The following MAPK8IP3 variants were observed in gnomAD, a reference collection of about 807,000 sequenced individuals.
MAPK8IP3 encodes C-Jun-amino-terminal kinase-interacting protein 3.
MAPK8IP3 carries 49 observed loss-of-function variants against 157.8 expected under a neutral mutation model. The ratio of observed to expected loss-of-function variants is 0.31; its 90% CI spans 0.25 to 0.39. The LOEUF is 0.39. MAPK8IP3 is among the 10% of genes least tolerant of loss of function. The pLI is 1.00. For synonymous variants in MAPK8IP3, 897 were observed against 777.7 expected, an observed-to-expected ratio of 1.15 and a Z score of -2.55; for missense variants, 1,478 against 1,889.4, an observed-to-expected ratio of 0.78 and a Z score of 4.04.
intron 1 of MAPK8IP3, among the ~76,000 whole-genome samples, chr16:1,715,065 A>G (rs1055190136): frequency 6.6e-6 from 1 of 152,068 alleles, no homozygotes; most frequent in African/African-American, 2.4e-5. Flanking sequence ...AGTAAGACAG[A>G]TGGGAAATAT....
In MAPK8IP3 at chr16:1,741,598, C is replaced by T. The variant is rs543049987; in HGVS notation, c.603-1734C>T. On this transcript the variant is annotated intron_variant, in intron 4 of 31. Transcript: ENST00000610761. This position sits in a 1 kb window ranked among gnomAD's most constrained non-coding sequence, Gnocchi z 6.9. Reference sequence around the variant, plus strand: ...ACTGGGCCTCAGCAGAGGCGCTCCCCGCACCAGCGTTGGGAGCGCAGTGGA... The same window carrying T: ...ACTGGGCCTCAGCAGAGGCGCTCCCTGCACCAGCGTTGGGAGCGCAGTGGA... Among the ~76,000 whole-genome samples, 2 of 152,234 alleles carry T rather than the reference C, an allele frequency of 1.3e-5. No individual in the cohort carries two copies. The highest frequency in any genetic ancestry group is 6.5e-5 in the Admixed American group (1 of 15,304).
chr16:1,739,047 CGTGTGAGCGTGT>C (rs1183135066), intron 4 of MAPK8IP3, among the ~76,000 whole-genome samples: 4 of 118,710 alleles, frequency 3.4e-5, no homozygotes, highest in African/African-American at 1.3e-4. Context: ...TGTGAGCGTC[CGTGTGAGCGTGT>C]GAGCGTCCGT....
At chr16:1,756,670 A>ACACACACACACAC (rs2041619200) in intron 8 of MAPK8IP3, among the ~76,000 whole-genome samples, 3 of 144,576 alleles carry the variant, frequency 2.1e-5, no homozygotes, top group South Asian at 2.2e-4. Context: ...ACACACACAC[A>ACACACACACACAC]AATTAGCCGG....
intron 1 of MAPK8IP3, among the ~76,000 whole-genome samples, chr16:1,719,379 G>A (rs1485435147): frequency 6.6e-5 from 10 of 152,014 alleles, no homozygotes; most frequent in Non-Finnish European, 1.0e-4. Flanking sequence ...TATGTATGTC[G>A]GTGATTCAAA....
intron 2 of MAPK8IP3, among the ~76,000 whole-genome samples, chr16:1,727,598 G>A (rs1160474054): frequency 1.3e-5 from 2 of 152,146 alleles, no homozygotes; most frequent in Non-Finnish European, 2.9e-5. Flanking sequence ...TGCGTGTGAG[G>A]TGCTGTGTCT....
rs968684835 is a variant in MAPK8IP3, at chr16:1,770,282, A to G, written c.*1458A>G. 4.9e-6 allele frequency: 1 copy of G among 202,936 alleles called. No homozygotes were observed. The highest frequency in any genetic ancestry group is 9.9e-6 in the Non-Finnish European group (1 of 101,474). 12.6% of individuals were successfully genotyped at this position (202,936 alleles called of 1,614,324 possible). ...TTTGGCCCTGCAAGCAAACCCACAT[A>G]TCTGCTCTGTATGTAATAAATGTCT... On this transcript the variant is annotated 3_prime_UTR_variant, in exon 32 of 32. Transcript: ENST00000610761.
At chr16:1,729,864 C>G (rs1596596665) in intron 4 of MAPK8IP3, among the ~76,000 whole-genome samples, 1 of 152,060 alleles carries the variant, frequency 6.6e-6, no homozygotes, top group Non-Finnish European at 1.5e-5. Context: ...ATATTTAACC[C>G]TTACTATCCA....
intron 8 of MAPK8IP3, among the ~76,000 whole-genome samples, chr16:1,757,794 C>A (rs1460273399): frequency 2.0e-5 from 3 of 152,218 alleles, no homozygotes; most frequent in Non-Finnish European, 4.4e-5. Context: ...GTACCTGCCA[C>A]ACCCTGCCAC....
At position 1,769,435 on chromosome 16, in the gene MAPK8IP3, G is replaced by A. The variant is rs1194693176; in HGVS notation, c.*611G>A. ...CCAGCTGTCCCCTGCCCAGGGAGCT[G>A]GCATAAAAGCACGAGGCCCGGCTCC... is the stretch of plus-strand genomic sequence containing the variant. On this transcript the variant is annotated 3_prime_UTR_variant, in exon 32 of 32. Transcript: ENST00000610761. 2 of 153,866 alleles carry A rather than the reference G, an allele frequency of 1.3e-5. No homozygotes were observed. The highest frequency in any genetic ancestry group is 2.9e-5 in the Non-Finnish European group (2 of 69,098). 9.5% of individuals were successfully genotyped at this position (153,866 alleles called of 1,614,324 possible).
chr16:1,762,702 G>A lies in MAPK8IP3; in HGVS notation c.1698G>A (p.Gln566=). The A allele has an allele frequency of 1.9e-6, 3 of 1,571,344 alleles. No homozygotes were observed. The highest frequency in any genetic ancestry group is 2.6e-6 in the Non-Finnish European group (3 of 1,156,832). Residue 566 remains glutamine, a synonymous_variant, in exon 15 of 32, where the codon CAG becomes CAA. Coordinates refer to ENST00000610761, the MANE Select transcript of MAPK8IP3 (RefSeq NM_001318852.2). The part of the protein sequence containing the change: ...IRASREHPSV[Q]EKKKSTIWQF... ...CGTCCCGAGAGCACCCATCCGTCCAGGAGAAGAAGAAGTCGACCATCTGGC... is the reference window on the plus strand; with the variant it reads ...CGTCCCGAGAGCACCCATCCGTCCAAGAGAAGAAGAAGTCGACCATCTGGC...
rs564424396 is a variant in MAPK8IP3, at chr16:1,764,376, G to A, written c.2197G>A (p.Ala733Thr). Residue 733 changes from alanine to threonine, a missense_variant, in exon 19 of 32, where the codon GCG (alanine) becomes ACG (threonine). This residue lies in a region of MAPK8IP3 where 669 missense variants were observed against 759.8 expected (regional missense o/e 0.88). Coordinates refer to ENST00000610761, the MANE Select transcript of MAPK8IP3 (RefSeq NM_001318852.2). ...EDDAGNGVKP[A>T]PGRDPLTCDR... ...CGACGCTGGGAATGGAGTCAAGCCA[G>A]CGCCAGGCCGCGATCCCCTGACCTG... is the stretch of plus-strand genomic sequence containing the variant. 1 of 1,590,502 alleles carries A rather than the reference G, an allele frequency of 6.3e-7. No individual in the cohort carries two copies. Among genetic ancestry groups the A allele is most frequent in the South Asian group, 1.1e-5 (1 of 88,090 alleles).
At chr16:1,744,586 C>T in intron 5 of MAPK8IP3, 4 of 985,688 alleles carry the variant, frequency 4.1e-6, no homozygotes, top group Non-Finnish European at 4.8e-6. Context: ...GGGCCCACCT[C>T]CTCTCACTGT....
rs114092994 is a variant in MAPK8IP3 at position 1,732,482 on chromosome 16, T to C, written c.602+2904T>C. 4.9e-3 allele frequency among the ~76,000 whole-genome samples: 752 copies of C among 152,328 alleles called. 6 individuals carry two copies. The highest frequency in any genetic ancestry group is 0.017 in the African/African-American group (694 of 41,576). On this transcript the variant is annotated intron_variant, in intron 4 of 31. Transcript: ENST00000610761. The stretch of plus-strand genomic sequence containing the variant: ...CCGAGTCTCTGGACGTGAGAGCAAA[T>C]GCACGGTGTGCGCAAAGGCCCAGCT...
At chr16:1,745,071 T>C in intron 5 of MAPK8IP3, 1 of 985,344 alleles carries the variant, frequency 1.0e-6, no homozygotes, top group Non-Finnish European at 1.2e-6. Context: ...TGCTACACGT[T>C]GATGTTTAGG....
At position 1,742,276 on chromosome 16, in the gene MAPK8IP3, G is replaced by A. The variant is rs571464218; in HGVS notation, c.603-1056G>A. On this transcript the variant is annotated intron_variant, in intron 4 of 31. Transcript: ENST00000610761. The surrounding 1 kb of genome is among the most constrained non-coding windows in gnomAD (Gnocchi z 5.0). ...AAGGGAGACCTTGGGCTCCATCCCT[G>A]CTCTTGCTTATGGCCCACAGGAGGT... 1.3e-4 allele frequency among the ~76,000 whole-genome samples: 20 copies of A among 152,294 alleles called. No homozygotes were observed. The highest frequency in any genetic ancestry group is 4.6e-4 in the African/African-American group (19 of 41,560).
In MAPK8IP3 at chr16:1,769,007, G is replaced by T; in HGVS notation, c.*183G>T. On this transcript the variant is annotated 3_prime_UTR_variant, in exon 32 of 32. Coordinates refer to ENST00000610761, the MANE Select transcript of MAPK8IP3 (RefSeq NM_001318852.2). ...CGGGGATGCGGATCAGCTGGGAGGAGGAGGGGAGGGGAACTTCCACCCGAG... is the reference window on the plus strand; with the variant it reads ...CGGGGATGCGGATCAGCTGGGAGGATGAGGGGAGGGGAACTTCCACCCGAG... 2 of 671,294 alleles carry T rather than the reference G, an allele frequency of 3.0e-6. No individual in the cohort carries two copies. The highest frequency in any genetic ancestry group is 5.0e-6 in the Non-Finnish European group (2 of 401,438). The allele number at this position is 671,294 out of a possible 1,614,324, so 41.6% of individuals were successfully genotyped here.
Position 1,762,717 on chromosome 16 carries a change from G to A in MAPK8IP3, c.1713G>A (p.Ser571=), listed in dbSNP as rs1341727691. 4.4e-6 allele frequency: 7 copies of A among 1,574,698 alleles called. No homozygotes were observed. Among genetic ancestry groups the A allele is most frequent in the Admixed American group, 1.8e-5 (1 of 56,086 alleles). ...CATCCGTCCAGGAGAAGAAGAAGTC[G>A]ACCATCTGGCAGTTGTAAGCTGGGG... ...EHPSVQEKKK[S]TIWQFFSRLF... is the part of the protein sequence containing the mutation. The change falls in exon 15 of 32, where the codon TCG becomes TCA. Residue 571 remains serine, a synonymous_variant. Transcript: ENST00000610761.
intron 5 of MAPK8IP3, chr16:1,744,008 G>C (rs972998314): frequency 1.0e-6 from 1 of 993,370 alleles, no homozygotes; most frequent in Non-Finnish European, 1.2e-6. Flanking sequence ...TCCTGAGTTT[G>C]AGAAAGCAGA....
intron 1 of MAPK8IP3, among the ~76,000 whole-genome samples, chr16:1,719,747 G>A (rs746459863): frequency 2.4e-4 from 36 of 151,712 alleles, no homozygotes; most frequent in Non-Finnish European, 4.3e-4. Flanking sequence ...TCAGGAGACT[G>A]AGATGGGAGG....
Sources: allele counts gnomAD v4.1 joint callset (sites outside exome capture counted in the v4.1 genomes callset), GRCh38; gene constraint gnomAD v4.1.1; regional missense constraint gnomAD v4.1.1; non-coding constraint Gnocchi (gnomAD v3.1); transcripts MANE v1.5; gene names NCBI Gene and HGNC (gene_info 2026-07-23, HGNC 2026-07-21).